ARHGAP39: variants seen among roughly 807,000 people sequenced by gnomAD.
ARHGAP39 encodes the protein Rho GTPase activating protein 39, also known as rho GTPase-activating protein 39.
Under a neutral mutation model 106.9 loss-of-function variants are expected in ARHGAP39, and 44 were observed. The observed-to-expected ratio is 0.41, with a 90% CI of 0.32 to 0.53. ARHGAP39 has a LOEUF of 0.53. Ranked by LOEUF, ARHGAP39 falls within the 20% of genes least tolerant of loss-of-function variation. ARHGAP39 has a pLI of 0.21. For synonymous variants in ARHGAP39, 768 were observed against 693.2 expected (o/e 1.11, Z -1.69); for missense variants, 1,496 against 1,577.3 (o/e 0.95, Z 0.87).
At chr8:144,560,376 A>G (rs542223321) in intron 3 of ARHGAP39, among the ~76,000 whole-genome samples, 4 of 151,678 alleles carry the variant, frequency 2.6e-5, no homozygotes, top group African/African-American at 9.8e-5. Context: ...CAGAGGTTGC[A>G]GTGAGCTGGG....
At chr8:144,640,936 T>C (rs1253561816) in intron 1 of ARHGAP39, among the ~76,000 whole-genome samples, 2 of 152,242 alleles carry the variant, frequency 1.3e-5, no homozygotes, top group Non-Finnish European at 2.9e-5. Flanking sequence ...TTCTAGTTGC[T>C]TTCATTTCAT....
chr8:144,667,059 A>G (rs1200745418), intron 1 of ARHGAP39, among the ~76,000 whole-genome samples: 1 of 152,214 alleles, frequency 6.6e-6, no homozygotes, highest in African/African-American at 2.4e-5. Flanking sequence ...GAACCAATCA[A>G]TTTTAATGTT....
chr8:144,604,518 T>C lies in ARHGAP39; in HGVS notation c.80+1017A>G, dbSNP rs527658099. On this transcript the variant is annotated intron_variant, in intron 2 of 11. Coordinates refer to ENST00000377307, the MANE Select transcript of ARHGAP39 (RefSeq NM_025251.3). The surrounding 1 kb of genome is among the most constrained non-coding windows in gnomAD (Gnocchi z 4.1). Reference sequence around the variant, plus strand: ...TCAGCCTCCCGAGTAGCTGAGACCATAGGCATCTGCCACCACATCTGGCTA... The same window carrying C: ...TCAGCCTCCCGAGTAGCTGAGACCACAGGCATCTGCCACCACATCTGGCTA... Among the ~76,000 whole-genome samples the C allele has an allele frequency of 2.6e-5, 4 of 152,214 alleles. No homozygotes were observed. In the South Asian group the frequency reaches 6.2e-4, roughly 24 times the overall value.
chr8:144,534,959 C>T lies in ARHGAP39; in HGVS notation c.2615-757G>A, dbSNP rs1279530563. Among the ~76,000 whole-genome samples the T allele has an allele frequency of 3.9e-5, 6 of 152,168 alleles. No homozygotes were observed. The East Asian group carries it at 1.2e-3, about 29-fold the overall frequency. ...ATTCCCAGGCTGGGTCTGGAAGGCG[C>T]GGCACCTTCCTGCTCCAGGTCGGGA... On this transcript the variant is annotated intron_variant, in intron 7 of 11. Transcript: ENST00000377307.
At chr8:144,685,425 G>A in intron 1 of ARHGAP39, among the ~76,000 whole-genome samples, 1 of 149,692 alleles carries the variant, frequency 6.7e-6, no homozygotes, top group East Asian at 2.0e-4. Flanking sequence ...GCCCGTCGGC[G>A]CGCACCCGGG....
rs543849364 is a variant in ARHGAP39, at chr8:144,645,053, G to A, written c.-81-39358C>T. Among the ~76,000 whole-genome samples, 21 of 152,324 alleles carry A rather than the reference G, an allele frequency of 1.4e-4. No individual in the cohort carries two copies. Among genetic ancestry groups the A allele is most frequent in the African/African-American group, 4.6e-4 (19 of 41,570 alleles). On this transcript the variant is annotated intron_variant, in intron 1 of 11. Transcript: ENST00000377307. This position sits in a 1 kb window ranked among gnomAD's most constrained non-coding sequence, Gnocchi z 4.4. ...AGAGCACATGTCAACCGCAGTCCCCGTGTTATCCAGGAGGAAGCGAAGAAA... is the reference window on the plus strand; with the variant it reads ...AGAGCACATGTCAACCGCAGTCCCCATGTTATCCAGGAGGAAGCGAAGAAA...
intron 1 of ARHGAP39, among the ~76,000 whole-genome samples, chr8:144,607,328 T>C (rs542484406): frequency 5.7e-4 from 85 of 148,238 alleles, no homozygotes; most frequent in African/African-American, 2.0e-3. Context: ...AAAAGCAGCC[T>C]CTGCTGTTAG....
chr8:144,609,432 C>T (rs1347710195), intron 1 of ARHGAP39, among the ~76,000 whole-genome samples: 6 of 129,610 alleles, frequency 4.6e-5, no homozygotes, highest in African/African-American at 1.8e-4. Context: ...GACGGAGTCT[C>T]AGTCTGTTGC....
chr8:144,583,003 C>T (rs1333067152), intron 2 of ARHGAP39, among the ~76,000 whole-genome samples: 1 of 152,232 alleles, frequency 6.6e-6, no homozygotes, highest in African/African-American at 2.4e-5. Flanking sequence ...GAACTTCCAC[C>T]TGCATGTCTC....
Position 144,671,486 on chromosome 8 carries a change from A to C in ARHGAP39, c.-82+14200T>G, listed in dbSNP as rs1280107622. On this transcript the variant is annotated intron_variant, in intron 1 of 11. Coordinates refer to ENST00000377307, the MANE Select transcript of ARHGAP39 (RefSeq NM_025251.3). The surrounding 1 kb of genome is among the most constrained non-coding windows in gnomAD (Gnocchi z 4.5). ...GACAGTGTCACTCTACACGCTGCAA[A>C]CACCACCCTCCCACCTGCTCCCTGA... 3.3e-5 allele frequency among the ~76,000 whole-genome samples: 5 copies of C among 152,060 alleles called. No individual in the cohort carries two copies. The highest frequency in any genetic ancestry group is 2.6e-4 in the Admixed American group (4 of 15,252).
At chr8:144,558,155 C>T (rs926584079) in intron 3 of ARHGAP39, among the ~76,000 whole-genome samples, 1 of 152,182 alleles carries the variant, frequency 6.6e-6, no homozygotes, top group Non-Finnish European at 1.5e-5. Flanking sequence ...ATGAATAATA[C>T]TGTAAAGTCT....
In ARHGAP39 at chr8:144,604,325, A is replaced by G. The variant is rs534807141; in HGVS notation, c.80+1210T>C. 6.6e-6 allele frequency among the ~76,000 whole-genome samples: 1 copy of G among 152,196 alleles called. No individual in the cohort carries two copies. The highest frequency in any genetic ancestry group is 1.5e-5 in the Non-Finnish European group (1 of 68,036). ...CCCGGGAGGACCCAACACCACCTGT[A>G]TGGCATTCTCCTGAAAAACTGTCAG... On this transcript the variant is annotated intron_variant, in intron 2 of 11. Transcript: ENST00000377307. The surrounding 1 kb of genome is among the most constrained non-coding windows in gnomAD (Gnocchi z 4.1).
rs1468779792 is a variant in ARHGAP39 at position 144,646,368 on chromosome 8, A to G, written c.-82+39318T>C. 6.6e-6 allele frequency among the ~76,000 whole-genome samples: 1 copy of G among 152,162 alleles called. No individual in the cohort carries two copies. The highest frequency in any genetic ancestry group is 1.5e-5 in the Non-Finnish European group (1 of 68,032). ...AGGAACAGAGAGCGGGAGGGGAGGG[A>G]GTGAAACTTCGTAGCACATGCCTTC... On this transcript the variant is annotated intron_variant, in intron 1 of 11. Transcript: ENST00000377307. This position sits in a 1 kb window ranked among gnomAD's most constrained non-coding sequence, Gnocchi z 5.7.
At chr8:144,656,140 A>G (rs1169162613) in intron 1 of ARHGAP39, among the ~76,000 whole-genome samples, 1 of 151,910 alleles carries the variant, frequency 6.6e-6, no homozygotes, top group Non-Finnish European at 1.5e-5. Context: ...ATAATACTGG[A>G]TAAAAACTTG....
intron 9 of ARHGAP39, 103 bp from the exon 10 acceptor site, chr8:144,532,499 G>A: frequency 9.2e-7 from 1 of 1,089,538 alleles, no homozygotes; most frequent in Non-Finnish European, 1.3e-6. Context: ...CCCGGGGAGG[G>A]GAGCAAAACC....
intron 1 of ARHGAP39, among the ~76,000 whole-genome samples, chr8:144,638,014 A>G (rs1821218631): frequency 6.6e-6 from 1 of 151,676 alleles, no homozygotes; most frequent in African/African-American, 2.4e-5. Flanking sequence ...CTTTTAAAAC[A>G]TTTTTCCTTC....
intron 2 of ARHGAP39, among the ~76,000 whole-genome samples, chr8:144,599,014 G>C (rs1470259015): frequency 6.6e-6 from 1 of 152,154 alleles, no homozygotes; most frequent in Non-Finnish European, 1.5e-5. Flanking sequence ...GATCATCAGA[G>C]CCCCAAAGCC....
chr8:144,550,510 G>A (rs1300755910), intron 4 of ARHGAP39, among the ~76,000 whole-genome samples: 1 of 152,240 alleles, frequency 6.6e-6, no homozygotes, highest in African/African-American at 2.4e-5. Context: ...TTGATGTGGG[G>A]TCTTTCTGGA....
At chr8:144,605,931 A>AG (rs1820274199) in intron 1 of ARHGAP39, 3 of 399,348 alleles carry the variant, frequency 7.5e-6, no homozygotes, top group Non-Finnish European at 1.4e-5. Context: ...ACCAGCCAGG[A>AG]TCCCCCCCAT....
Sources: gnomAD v4.1 joint callset for allele counts (sites outside exome capture counted in the v4.1 genomes callset) on GRCh38, gnomAD v4.1.1 for gene constraint, Gnocchi (gnomAD v3.1) non-coding constraint, MANE v1.5 for transcripts, NCBI Gene and HGNC (gene_info 2026-07-23, HGNC 2026-07-21) for gene names.